The following NPAS3 variants were observed in gnomAD, a reference collection of about 807,000 sequenced individuals.
NPAS3 encodes the protein neuronal PAS domain protein 3, also known as neuronal PAS domain-containing protein 3.
NPAS3 carries 14 observed loss-of-function variants against 73.1 expected under a neutral mutation model. The ratio of observed to expected loss-of-function variants is 0.19; its 90% CI spans 0.13 to 0.30. The LOEUF is 0.30. Among genes scored for constraint, NPAS3 ranks in the 10% least tolerant of loss-of-function variants. The pLI, the probability that NPAS3 is intolerant of heterozygous loss-of-function variation, is 1.00. For missense variants in NPAS3, 1,096 were observed against 1,250.0 expected (o/e 0.88, Z 1.86); for synonymous variants, 620 against 541.5 (o/e 1.14, Z -2.01).
intron 3 of NPAS3, among the ~76,000 whole-genome samples, chr14:33,276,179 G>A (rs2041320331): frequency 6.6e-6 from 1 of 152,154 alleles, no homozygotes; most frequent in African/African-American, 2.4e-5. Context: ...AATTTGACCT[G>A]AGAAAGTTGA....
chr14:33,648,136 C>A (rs2058887811), intron 5 of NPAS3, among the ~76,000 whole-genome samples: 1 of 152,140 alleles, frequency 6.6e-6, no homozygotes, highest in Non-Finnish European at 1.5e-5. Flanking sequence ...TCGAGACTAG[C>A]AGCCTGTGGG....
intron 5 of NPAS3, among the ~76,000 whole-genome samples, chr14:33,575,723 T>C (rs2056406934): frequency 6.6e-6 from 1 of 152,244 alleles, no homozygotes; most frequent in Non-Finnish European, 1.5e-5. Flanking sequence ...TTTCTAATTG[T>C]TCTTTTTAAC....
chr14:33,612,510 C>T, intron 5 of NPAS3: 1 of 455,896 alleles, frequency 2.2e-6, no homozygotes, highest in East Asian at 6.9e-5. Context: ...ATCAAATTCT[C>T]CCTTGGAAGG....
chr14:33,215,637 C>A, intron 3 of NPAS3: 1 of 706,668 alleles, frequency 1.4e-6, no homozygotes, highest in South Asian at 1.6e-5. Context: ...AGTCTATCAG[C>A]CTAAAATTCT....
intron 3 of NPAS3, among the ~76,000 whole-genome samples, chr14:33,217,511 T>C (rs999545654): frequency 6.6e-6 from 1 of 152,154 alleles, no homozygotes; most frequent in African/African-American, 2.4e-5. Flanking sequence ...ATTATTCAAA[T>C]ATATAAGTTC....
At chr14:33,350,806 C>T (rs902994056) in intron 3 of NPAS3, among the ~76,000 whole-genome samples, 11 of 152,258 alleles carry the variant, frequency 7.2e-5, no homozygotes, top group South Asian at 2.1e-4. Flanking sequence ...CCAAGTAATC[C>T]GTACATACTC....
chr14:32,972,241 A>C (rs2037464996), intron 1 of NPAS3, among the ~76,000 whole-genome samples: 1 of 152,100 alleles, frequency 6.6e-6, no homozygotes, highest in African/African-American at 2.4e-5. Flanking sequence ...CCTGGCCATC[A>C]GTGGGACTCT....
intron 3 of NPAS3, among the ~76,000 whole-genome samples, chr14:33,240,673 A>G (rs2139826873): frequency 6.6e-6 from 1 of 151,960 alleles, no homozygotes; most frequent in Non-Finnish European, 1.5e-5. Context: ...GAGAGACCAC[A>G]TCGCTCCCTT....
intron 3 of NPAS3, among the ~76,000 whole-genome samples, chr14:33,357,806 G>A (rs1403625290): frequency 6.6e-6 from 1 of 152,186 alleles, no homozygotes; most frequent in Non-Finnish European, 1.5e-5. Context: ...AGCTCCAGGA[G>A]AACAATTAAA....
At chr14:33,297,307 A>G (rs1483246355) in intron 3 of NPAS3, among the ~76,000 whole-genome samples, 2 of 152,174 alleles carry the variant, frequency 1.3e-5, no homozygotes, top group African/African-American at 4.8e-5. Context: ...TATACAAAAC[A>G]TTTAGATTTA....
chr14:33,048,597 T>C (rs1212080534), intron 1 of NPAS3, among the ~76,000 whole-genome samples: 2 of 152,232 alleles, frequency 1.3e-5, no homozygotes, highest in East Asian at 3.8e-4. Context: ...AACAGGACAG[T>C]GCCTCAAACC....
At chr14:33,410,827 G>A (rs2047889412) in intron 4 of NPAS3, among the ~76,000 whole-genome samples, 1 of 152,180 alleles carries the variant, frequency 6.6e-6, no homozygotes. Context: ...TGTATTTTTA[G>A]TAGAGACAGG....
intron 3 of NPAS3, among the ~76,000 whole-genome samples, chr14:33,345,436 C>T (rs902470306): frequency 8.0e-4 from 122 of 152,280 alleles, no homozygotes; most frequent in African/African-American, 2.9e-3. Context: ...CTAGACAAAA[C>T]TTTATTATGC....
rs188487804 is a variant in NPAS3, at chr14:32,946,289, C to T, written c.50+6923C>T. Among the ~76,000 whole-genome samples the T allele has an allele frequency of 2.6e-3, 389 of 151,198 alleles. 1 individual carries two copies. The highest frequency in any genetic ancestry group is 4.3e-3 in the Non-Finnish European group (289 of 67,848). On this transcript the variant is annotated intron_variant, in intron 1 of 11. Transcript: ENST00000356141. ...AAACATGACATGTTAAAATGGGCCA[C>T]AATAAATACATAAATGGTAAGTTAT...
At chr14:33,557,438 AGGGGTGATG>A (rs1296534587) in intron 4 of NPAS3, among the ~76,000 whole-genome samples, 3 of 152,226 alleles carry the variant, frequency 2.0e-5, no homozygotes, top group African/African-American at 7.2e-5. Context: ...TTCAAAAGCA[AGGGGTGATG>A]TTTAAGATGT....
intron 6 of NPAS3, among the ~76,000 whole-genome samples, chr14:33,679,415 C>A (rs2059869913): frequency 6.6e-6 from 1 of 152,182 alleles, no homozygotes; most frequent in Non-Finnish European, 1.5e-5. Flanking sequence ...GGCACTACAT[C>A]ACAAAGCTGC....
At chr14:33,309,617 C>T (rs1191875888) in intron 3 of NPAS3, among the ~76,000 whole-genome samples, 1 of 152,112 alleles carries the variant, frequency 6.6e-6, no homozygotes, top group Non-Finnish European at 1.5e-5. Flanking sequence ...TCCAAATGGG[C>T]TGTCTGTGCC....
At chr14:33,589,673 A>G (rs1398298642) in intron 5 of NPAS3, among the ~76,000 whole-genome samples, 1 of 152,022 alleles carries the variant, frequency 6.6e-6, no homozygotes, top group Non-Finnish European at 1.5e-5. Context: ...TTCCTTAATC[A>G]TACTTGAAAA....
chr14:33,158,305 CTG>C (rs2044722098), intron 2 of NPAS3, among the ~76,000 whole-genome samples: 1 of 152,162 alleles, frequency 6.6e-6, no homozygotes, highest in South Asian at 2.1e-4. Flanking sequence ...ACTGAGAAAT[CTG>C]TGTTTTAACA....
Sources: gnomAD v4.1 joint callset for allele counts (sites outside exome capture counted in the v4.1 genomes callset) on GRCh38, gnomAD v4.1.1 for gene constraint, MANE v1.5 for transcripts, NCBI Gene and HGNC (gene_info 2026-07-23, HGNC 2026-07-21) for gene names.